The following KCNC2 variants were observed in gnomAD, a reference collection of about 807,000 sequenced individuals.
KCNC2 encodes the protein potassium voltage-gated channel subfamily C member 2, also known as voltage-gated potassium channel KCNC2.
KCNC2 carries 21 observed loss-of-function variants against 44.5 expected under a neutral mutation model. The observed-to-expected ratio is 0.47, with a 90% CI of 0.33 to 0.68. The LOEUF is 0.68. KCNC2 is among the 30% of genes least tolerant of loss of function. The pLI is 0.01. For synonymous variants in KCNC2, 391 were observed against 339.1 expected, an observed-to-expected ratio of 1.15 and a Z score of -1.68; for missense variants, 589 against 826.2, an observed-to-expected ratio of 0.71 and a Z score of 3.52.
intron 2 of KCNC2, among the ~76,000 whole-genome samples, chr12:75,110,654 A>G (rs1222477023): frequency 1.3e-5 from 2 of 152,148 alleles, no homozygotes; most frequent in African/African-American, 4.8e-5. Context: ...GATGATCTCC[A>G]TGAAGGGGAT....
At chr12:75,045,125 T>G (rs545964248) in intron 4 of KCNC2, among the ~76,000 whole-genome samples, 1 of 152,086 alleles carries the variant, frequency 6.6e-6, no homozygotes, top group Admixed American at 6.6e-5. Flanking sequence ...CGATAAACAT[T>G]GATTGGCTTC....
intron 2 of KCNC2, among the ~76,000 whole-genome samples, chr12:75,183,703 A>G (rs1214414130): frequency 6.6e-6 from 1 of 152,234 alleles, no homozygotes; most frequent in Non-Finnish European, 1.5e-5. Context: ...ACATAAAAAT[A>G]TGGAGCAAGT....
At chr12:75,068,844 A>G (rs191752811) in intron 2 of KCNC2, among the ~76,000 whole-genome samples, 3 of 152,262 alleles carry the variant, frequency 2.0e-5, no homozygotes, top group Admixed American at 1.3e-4. Flanking sequence ...GGGTAGAGGA[A>G]AGGAGGACTA....
chr12:75,167,773 A>G (rs142901785), intron 2 of KCNC2, among the ~76,000 whole-genome samples: 15 of 151,266 alleles, frequency 9.9e-5, no homozygotes, highest in African/African-American at 3.6e-4. Flanking sequence ...TAATTTTTTT[A>G]TTATTTGCAT....
intron 2 of KCNC2, among the ~76,000 whole-genome samples, chr12:75,116,137 G>C (rs1376514458): frequency 6.6e-6 from 1 of 152,074 alleles, no homozygotes; most frequent in Non-Finnish European, 1.5e-5. Context: ...CAAAGATCAG[G>C]GGATTATACC....
intron 2 of KCNC2, among the ~76,000 whole-genome samples, chr12:75,118,758 G>T (rs1018457365): frequency 6.6e-6 from 1 of 152,170 alleles, no homozygotes; most frequent in Non-Finnish European, 1.5e-5. Flanking sequence ...GTAACAAAGT[G>T]ACAGAAAAAT....
intron 2 of KCNC2, among the ~76,000 whole-genome samples, chr12:75,175,402 A>G (rs927675794): frequency 3.9e-5 from 6 of 152,024 alleles, no homozygotes; most frequent in Non-Finnish European, 5.9e-5. Context: ...AGTAGAGATT[A>G]TATATGTGGG....
intron 2 of KCNC2, among the ~76,000 whole-genome samples, chr12:75,122,138 C>T (rs1470184194): frequency 6.6e-6 from 1 of 152,124 alleles, no homozygotes; most frequent in Non-Finnish European, 1.5e-5. Context: ...AACTCTCAGT[C>T]CTCTTACAAG....
intron 2 of KCNC2, among the ~76,000 whole-genome samples, chr12:75,075,206 T>C (rs1400804616): frequency 1.3e-5 from 2 of 152,118 alleles, no homozygotes. Flanking sequence ...TATTAAAATG[T>C]GAAATAGCTA....
intron 2 of KCNC2, among the ~76,000 whole-genome samples, chr12:75,147,456 T>C (rs80203413): frequency 0.015 from 2,210 of 152,228 alleles, 45 homozygotes; most frequent in African/African-American, 0.05. Flanking sequence ...CCTAATTGAC[T>C]TAAAGTCAGT....
chr12:75,135,798 G>A (rs2471663), intron 2 of KCNC2, among the ~76,000 whole-genome samples: 17,381 of 151,848 alleles, frequency 0.11, 1,145 homozygotes, highest in African/African-American at 0.16. Flanking sequence ...TAATAATACA[G>A]TTTCATTATA....
chr12:75,055,702 G>A (rs142665679), intron 2 of KCNC2, among the ~76,000 whole-genome samples: 29 of 152,112 alleles, frequency 1.9e-4, no homozygotes, highest in African/African-American at 6.5e-4. Context: ...TCATGTCCAT[G>A]TATTTAATTA....
At chr12:75,133,395 A>G (rs1239093365) in intron 2 of KCNC2, among the ~76,000 whole-genome samples, 2 of 151,942 alleles carry the variant, frequency 1.3e-5, no homozygotes, top group Admixed American at 6.6e-5. Context: ...CCGTAAATAT[A>G]TAAAACTATT....
At chr12:75,196,693 G>C (rs764307434) in intron 2 of KCNC2, among the ~76,000 whole-genome samples, 5 of 152,028 alleles carry the variant, frequency 3.3e-5, no homozygotes, top group Non-Finnish European at 5.9e-5. Flanking sequence ...AGCGTATTCA[G>C]TCAAGTCCTT....
intron 4 of KCNC2, chr12:75,043,872 T>G: frequency 9.6e-7 from 1 of 1,041,310 alleles, no homozygotes; most frequent in Non-Finnish European, 1.4e-6. Flanking sequence ...AATTAAGTCA[T>G]AATTTCAGTG....
intron 2 of KCNC2, among the ~76,000 whole-genome samples, chr12:75,059,357 T>C (rs913169063): frequency 6.6e-6 from 1 of 152,118 alleles, no homozygotes; most frequent in African/African-American, 2.4e-5. Context: ...TACTAAAATA[T>C]TTCTTGCCTT....
At chr12:75,147,867 G>T (rs1890132936) in intron 2 of KCNC2, among the ~76,000 whole-genome samples, 1 of 152,072 alleles carries the variant, frequency 6.6e-6, no homozygotes, top group Non-Finnish European at 1.5e-5. Flanking sequence ...TATTTCTGGG[G>T]CAAACATTCA....
chr12:75,189,289 C>T (rs531787315), intron 2 of KCNC2, among the ~76,000 whole-genome samples: 1 of 152,260 alleles, frequency 6.6e-6, no homozygotes, highest in Admixed American at 6.5e-5. Flanking sequence ...AAAGTTACCA[C>T]CATGGTCACG....
intron 2 of KCNC2, among the ~76,000 whole-genome samples, chr12:75,169,318 T>G (rs552958754): frequency 3.3e-5 from 5 of 151,632 alleles, no homozygotes; most frequent in African/African-American, 1.2e-4. Context: ...AGATATAAAA[T>G]TACAGCAATT....
Sources: allele counts gnomAD v4.1 joint callset (sites outside exome capture counted in the v4.1 genomes callset), GRCh38; gene constraint gnomAD v4.1.1; transcripts MANE v1.5; gene names NCBI Gene and HGNC (gene_info 2026-07-23, HGNC 2026-07-21).